The following N4BP2 variants were observed in gnomAD, a reference collection of about 807,000 sequenced individuals.
N4BP2 encodes the protein NEDD4 binding protein 2, also known as NEDD4-binding protein 2.
In N4BP2, 91 loss-of-function variants were observed where a neutral mutation model predicts 152.8. That is an observed-to-expected ratio of 0.60 (90% CI 0.50 to 0.71). The LOEUF (loss-of-function observed/expected upper bound fraction) is 0.71, where lower values mean the gene tolerates loss of function less well. N4BP2 is among the 30% of genes least tolerant of loss of function. The pLI is 0.00. For synonymous variants in N4BP2, 646 were observed against 705.3 expected (o/e 0.92, Z 1.33); for missense variants, 1,923 against 2,059.1 (o/e 0.93, Z 1.28).
Position 40,121,753 on chromosome 4 carries a change from T to C in N4BP2, c.3642T>C (p.His1214=), listed in dbSNP as rs747474458. ...AEMRAVTPEN[H]ESMTSIFPSA... ...TGAGAGCTGTCACTCCTGAAAACCA[T>C]GAATCGATGACAAGTATATTTCCCA... The change falls in exon 9 of 18, where the codon CAT becomes CAC. Residue 1214 remains histidine (H), a synonymous_variant. Coordinates refer to ENST00000261435, the MANE Select transcript of N4BP2 (RefSeq NM_018177.6). 6.2e-7 allele frequency: 1 copy of C among 1,613,930 alleles called. No individual in the cohort carries two copies. Among genetic ancestry groups the C allele is most frequent in the South Asian group, 1.1e-5 (1 of 91,070 alleles).
At chr4:40,182,573 C>A in the N4BP2 span, among the ~76,000 whole-genome samples, 1 of 152,156 alleles carries the variant, frequency 6.6e-6, no homozygotes, top group East Asian at 1.9e-4. Context: ...ACCTCAGTGC[C>A]CAAGAAGCTG....
intron 1 of N4BP2, among the ~76,000 whole-genome samples, chr4:40,072,640 C>A (rs1300723993): frequency 1.3e-5 from 2 of 151,668 alleles, no homozygotes; most frequent in Admixed American, 1.3e-4. Flanking sequence ...CCTCCCTGTA[C>A]CCCCCCAGGC....
chr4:40,071,115 AAT>A (rs1712129910), intron 1 of N4BP2, among the ~76,000 whole-genome samples: 1 of 151,918 alleles, frequency 6.6e-6, no homozygotes, highest in Non-Finnish European at 1.5e-5. Context: ...AGTCTTTTTA[AAT>A]ATATAGGTAG....
chr4:40,178,515 G>A, the N4BP2 span, among the ~76,000 whole-genome samples: 6 of 152,202 alleles, frequency 3.9e-5, no homozygotes, highest in Middle Eastern at 3.4e-3. Context: ...GTAACTAGTG[G>A]TACTTGGGCA....
At chr4:40,073,907 C>G (rs1010186091) in intron 2 of N4BP2, among the ~76,000 whole-genome samples, 15 of 152,178 alleles carry the variant, frequency 9.9e-5, no homozygotes, top group Non-Finnish European at 2.1e-4. Flanking sequence ...ATTCTCCTGC[C>G]TCAGCCTCCC....
intron 2 of N4BP2, among the ~76,000 whole-genome samples, chr4:40,084,407 G>A (rs1713710260): frequency 6.6e-6 from 1 of 151,106 alleles, no homozygotes; most frequent in South Asian, 2.1e-4. Context: ...GGAGAATCAG[G>A]TCACTTTTAG....
intron 2 of N4BP2, among the ~76,000 whole-genome samples, chr4:40,084,906 C>T (rs187748084): frequency 5.4e-5 from 8 of 147,118 alleles, no homozygotes; most frequent in East Asian, 4.0e-4. Flanking sequence ...TGAGCCACAG[C>T]GCCTGGCTTT....
In N4BP2 at chr4:40,138,859, T is replaced by C. The variant is rs560857587; in HGVS notation, c.4785+1777T>C. Among the ~76,000 whole-genome samples, 72 of 152,352 alleles carry C rather than the reference T, an allele frequency of 4.7e-4. 1 individual carries two copies. The highest frequency in any genetic ancestry group is 2.9e-3 in the Admixed American group (44 of 15,304). ...TTTTGAAATTGGGAAGTGTGAGTTT[T>C]CCAACTATGTTCTATTTATTTATTT... On this transcript the variant is annotated intron_variant, in intron 14 of 17. Transcript: ENST00000261435.
chr4:40,095,296 G>A (rs1425768665), intron 2 of N4BP2, among the ~76,000 whole-genome samples: 2 of 152,044 alleles, frequency 1.3e-5, no homozygotes, highest in South Asian at 2.1e-4. Context: ...GGCCAGGCCC[G>A]TCTCAAACTC....
chr4:40,172,289 T>C, the N4BP2 span, among the ~76,000 whole-genome samples: 1 of 152,200 alleles, frequency 6.6e-6, no homozygotes, highest in Admixed American at 6.5e-5. Flanking sequence ...CTGATTAGAT[T>C]GTGCCTACCC....
chr4:40,080,271 A>T (rs1235704355), intron 2 of N4BP2, among the ~76,000 whole-genome samples: 1 of 151,736 alleles, frequency 6.6e-6, no homozygotes, highest in Non-Finnish European at 1.5e-5. Flanking sequence ...GATAAACTGG[A>T]TTATAAGTAG....
the N4BP2 span, among the ~76,000 whole-genome samples, chr4:40,172,001 G>A: frequency 6.6e-6 from 1 of 152,136 alleles, no homozygotes; most frequent in Non-Finnish European, 1.5e-5. Flanking sequence ...CCACCTCCTG[G>A]GTTCAAGTGA....
At chr4:40,151,592 AAT>A (rs1252282838) in intron 16 of N4BP2, among the ~76,000 whole-genome samples, 1 of 152,296 alleles carries the variant, frequency 6.6e-6, no homozygotes, top group East Asian at 1.9e-4. Context: ...TTTTATGCGT[AAT>A]ATAACATATG....
chr4:40,123,649 G>A (rs1718136537), intron 10 of N4BP2, among the ~76,000 whole-genome samples: 1 of 148,188 alleles, frequency 6.7e-6, no homozygotes, highest in Non-Finnish European at 1.5e-5. Context: ...CCACACCTAG[G>A]TAATTTTTTT....
chr4:40,071,087 A>G (rs1218403188), intron 1 of N4BP2, among the ~76,000 whole-genome samples: 1 of 151,806 alleles, frequency 6.6e-6, no homozygotes, highest in Non-Finnish European at 1.5e-5. Context: ...TACCCGTTGC[A>G]TTTGGGTTGT....
chr4:40,097,787 G>A (rs1715235404), intron 3 of N4BP2, among the ~76,000 whole-genome samples: 1 of 152,186 alleles, frequency 6.6e-6, no homozygotes, highest in Admixed American at 6.5e-5. Flanking sequence ...TGCAGTTCTA[G>A]GTGTAAGGTA....
Position 40,138,153 on chromosome 4 carries a change from T to TG in N4BP2, c.4785+1071_4785+1072insG, listed in dbSNP as rs1284720278. 8.5e-5 allele frequency among the ~76,000 whole-genome samples: 13 copies of TG among 152,326 alleles called. No homozygotes were observed. The East Asian group carries it at 2.3e-3, about 27-fold the overall frequency. The stretch of plus-strand genomic sequence containing the variant: ...CATGGTTAATACAGAAATGGTGTCT[T>TG]ATTGTGGTTTTGATTTGCATTTCCT... On this transcript the variant is annotated intron_variant, in intron 14 of 17. Coordinates refer to ENST00000261435, the MANE Select transcript of N4BP2 (RefSeq NM_018177.6).
At chr4:40,064,205 G>A (rs940545567) in intron 1 of N4BP2, among the ~76,000 whole-genome samples, 1 of 152,174 alleles carries the variant, frequency 6.6e-6, no homozygotes, top group African/African-American at 2.4e-5. Flanking sequence ...TTCCAGGTAC[G>A]AAAATGGTAA....
intron 2 of N4BP2, among the ~76,000 whole-genome samples, chr4:40,084,614 G>GTGTA (rs1553919441): frequency 7.3e-6 from 1 of 136,834 alleles, no homozygotes; most frequent in Non-Finnish European, 1.6e-5. Flanking sequence ...TTTTGTGTGT[G>GTGTA]TATATATATA....
Sources: allele counts gnomAD v4.1 joint callset (sites outside exome capture counted in the v4.1 genomes callset), GRCh38; gene constraint gnomAD v4.1.1; transcripts MANE v1.5; gene names NCBI Gene and HGNC (gene_info 2026-07-23, HGNC 2026-07-21).